Variants in ARG2 observed in about 807,000 individuals in gnomAD.
ARG2 encodes arginase-2, mitochondrial.
Under a neutral mutation model 39.4 loss-of-function variants are expected in ARG2, and 21 were observed. The observed-to-expected ratio is 0.53, with a 90% CI of 0.38 to 0.77. The LOEUF (loss-of-function observed/expected upper bound fraction) is 0.77. Among genes scored for constraint, ARG2 ranks in the 30% least tolerant of loss-of-function variants. ARG2 has a pLI of 0.00. For synonymous variants in ARG2, 150 were observed against 156.7 expected (o/e 0.96, Z 0.32); for missense variants, 378 against 426.2 (o/e 0.89, Z 1.00).
intron 2 of ARG2, among the ~76,000 whole-genome samples, chr14:67,632,730 G>C (rs2036930148): frequency 6.8e-6 from 1 of 147,846 alleles, no homozygotes; most frequent in South Asian, 2.2e-4. Flanking sequence ...AATTTGAAAA[G>C]CACACAAATA....
Position 67,646,712 on chromosome 14 carries a change from T to C in ARG2, c.591T>C (p.Gly197=), listed in dbSNP as rs1379847973. Residue 197 remains glycine (G), a synonymous_variant, in exon 5 of 8, where the codon GGT becomes GGC. Coordinates refer to ENST00000261783, the MANE Select transcript of ARG2 (RefSeq NM_001172.4). ...CTTCTGCAAGTATTGTGTATATTGG[T>C]CTGAGAGACGTGGACCCTCCTGAAC... ...CISSASIVYI[G]LRDVDPPEHF... 3 of 1,613,620 alleles carry C rather than the reference T, an allele frequency of 1.9e-6. No individual in the cohort carries two copies. Among genetic ancestry groups the C allele is most frequent in the Non-Finnish European group, 2.5e-6 (3 of 1,179,666 alleles).
chr14:67,620,276 A>AGAGG (rs1437393180), intron 1 of ARG2, among the ~76,000 whole-genome samples, 188 bp downstream of exon 1: 1 of 136,606 alleles, frequency 7.3e-6, no homozygotes, highest in Admixed American at 7.2e-5. Flanking sequence ...CAGAGAATGG[A>AGAGG]GAGGGAGGGA....
Position 67,651,331 on chromosome 14 carries a change from A to G in ARG2, c.*411A>G, listed in dbSNP as rs1309396886. On this transcript the variant is annotated 3_prime_UTR_variant, in exon 8 of 8. Transcript: ENST00000261783. Reference sequence around the variant, plus strand: ...TGCTTATTCTATCCACATCCCTAACATCATGCATTCACAAGGTCAAAGTTC... The same window carrying G: ...TGCTTATTCTATCCACATCCCTAACGTCATGCATTCACAAGGTCAAAGTTC... The G allele has an allele frequency of 1.2e-6, 2 of 1,611,202 alleles. No homozygotes were observed. The highest frequency in any genetic ancestry group is 1.7e-4 in the Middle Eastern group (1 of 6,030).
At chr14:67,641,394 C>A (rs2037029194) in intron 2 of ARG2, among the ~76,000 whole-genome samples, 1 of 152,182 alleles carries the variant, frequency 6.6e-6, no homozygotes, top group South Asian at 2.1e-4. Context: ...AACTTTGGAG[C>A]CAGATGGCCT....
chr14:67,642,800 T>TTTC lies in ARG2; in HGVS notation c.362+439_362+440insCTT, dbSNP rs1321823943. Among the ~76,000 whole-genome samples, 6 of 101,474 alleles carry TTTC rather than the reference T, an allele frequency of 5.9e-5. No homozygotes were observed. The East Asian group carries it at 9.6e-4, about 16-fold the overall frequency. The allele number at this position is 101,474 out of a possible 152,430, so 66.6% of individuals were successfully genotyped here. A position where few individuals can be genotyped will look rare whatever the true frequency, so the allele number is the denominator to read the frequency against. On this transcript the variant is annotated intron_variant, in intron 3 of 7. Transcript: ENST00000261783. ...GGCATGTTACTACATTTTCTTTTTTTTTTTTTTTTTTTTTTTTTTTGAGAT... is the reference window on the plus strand; with the variant it reads ...GGCATGTTACTACATTTTCTTTTTTTTTCTTTTTTTTTTTTTTTTTTTTGAGAT...
At position 67,642,449 on chromosome 14, in the gene ARG2, T is replaced by G. The variant is rs2037043818; in HGVS notation, c.362+86T>G. ...TAGCTTCTTTATCTGTTTCTTCATCTGGAGAAAAATACCCTACAGAATTTT... is the reference window on the plus strand; with the variant it reads ...TAGCTTCTTTATCTGTTTCTTCATCGGGAGAAAAATACCCTACAGAATTTT... On this transcript the variant is annotated intron_variant, in intron 3 of 7. Coordinates refer to ENST00000261783, the MANE Select transcript of ARG2 (RefSeq NM_001172.4). 10 of 1,444,878 alleles carry G rather than the reference T, an allele frequency of 6.9e-6. No individual in the cohort carries two copies. In the South Asian group the frequency reaches 1.3e-4, roughly 19 times the overall value. 89.5% of individuals were successfully genotyped at this position (1,444,878 alleles called of 1,614,324 possible). A position where few individuals can be genotyped will look rare whatever the true frequency, so the allele number is the denominator to read the frequency against.
chr14:67,642,793 C>CTTTTTTT (rs869215946), intron 3 of ARG2, among the ~76,000 whole-genome samples: 1,745 of 75,546 alleles, frequency 0.023, 453 homozygotes, highest in East Asian at 0.045. Context: ...ACTACATTTT[C>CTTTTTTT]TTTTTTTTTT....
intron 4 of ARG2, 117 bp from the exon 5 acceptor site, chr14:67,646,526 TA>T: frequency 1.3e-6 from 1 of 782,896 alleles, no homozygotes; most frequent in Non-Finnish European, 2.1e-6. Flanking sequence ...TGTGTTGCTC[TA>T]AACTTACCCT....
Position 67,646,976 on chromosome 14 carries a change from CTTGGTA to C in ARG2, c.675_680del (p.Gly226_Ile227del). 1 of 1,613,076 alleles carries C rather than the reference CTTGGTA, an allele frequency of 6.2e-7. No individual in the cohort carries two copies. The highest frequency in any genetic ancestry group is 1.1e-5 in the South Asian group (1 of 91,054). ...TTTTTCCATGAGAGATATTGATCGA[CTTGGTA>C]TCCAGAAGGTCATGGAACGAACATT... On this transcript the variant is annotated inframe_deletion, in exon 6 of 8. Transcript: ENST00000261783.
chr14:67,636,846 T>G (rs764300038), intron 2 of ARG2, among the ~76,000 whole-genome samples: 8 of 152,188 alleles, frequency 5.3e-5, no homozygotes, highest in Non-Finnish European at 1.2e-4. Flanking sequence ...TTCCTTGAAA[T>G]TTCAGGCTCC....
In ARG2 at chr14:67,651,647, G is replaced by T. The variant is rs1804799; in HGVS notation, c.*727G>T. The T allele has an allele frequency of 0.069, 41,469 of 602,932 alleles. 2,331 individuals are homozygous for T. Among genetic ancestry groups the T allele is most frequent in the East Asian group, 0.22 (6,897 of 31,024 alleles). The allele number at this position is 602,932 out of a possible 1,614,324, so 37.3% of individuals were successfully genotyped here. A position where few individuals can be genotyped will look rare whatever the true frequency, so the allele number is the denominator to read the frequency against. On this transcript the variant is annotated 3_prime_UTR_variant, in exon 8 of 8. Transcript: ENST00000261783. ...ATAAGGTTCTTTAGCTGTCACTTAG[G>T]GATAACACTGTCTACCTCACAGAAA...
In ARG2 at chr14:67,646,967, A is replaced by G; in HGVS notation, c.664A>G (p.Ile222Val). The stretch of plus-strand genomic sequence containing the variant: ...TATCCAGTATTTTTCCATGAGAGAT[A>G]TTGATCGACTTGGTATCCAGAAGGT... ...YDIQYFSMRD[I>V]DRLGIQKVME... Residue 222 changes from isoleucine to valine, a missense_variant, in exon 6 of 8, where the codon ATT becomes GTT. Coordinates refer to ENST00000261783, the MANE Select transcript of ARG2 (RefSeq NM_001172.4). 1 of 1,612,770 alleles carries G rather than the reference A, an allele frequency of 6.2e-7. No individual in the cohort carries two copies. Among genetic ancestry groups the G allele is most frequent in the Non-Finnish European group, 8.5e-7 (1 of 1,178,912 alleles).
intron 2 of ARG2, among the ~76,000 whole-genome samples, chr14:67,631,273 C>T (rs2036915311): frequency 6.6e-6 from 1 of 152,146 alleles, no homozygotes; most frequent in Non-Finnish European, 1.5e-5. Context: ...TGCAATAAAC[C>T]TAGTATTGCT....
At position 67,646,918 on chromosome 14, in the gene ARG2, C is replaced by A; in HGVS notation, c.618-3C>A. 1 of 1,563,648 alleles carries A rather than the reference C, an allele frequency of 6.4e-7. No individual in the cohort carries two copies. Among genetic ancestry groups the A allele is most frequent in the Admixed American group, 1.7e-5 (1 of 59,818 alleles). On this transcript the variant is annotated splice_region_variant and splice_polypyrimidine_tract_variant and intron_variant, in intron 5 of 7. Coordinates refer to ENST00000261783, the MANE Select transcript of ARG2 (RefSeq NM_001172.4). ...GGACTCCTCCCTTTATATCTCATCA[C>A]AGTTTTATTTTAAAGAACTATGATA...
chr14:67,648,281 C>T, intron 7 of ARG2, 98 bp downstream of exon 7: 1 of 1,400,048 alleles, frequency 7.1e-7, no homozygotes, highest in Non-Finnish European at 9.6e-7. Flanking sequence ...CACATCATTG[C>T]AGAGTTTGTT....
chr14:67,647,873 A>T (rs181364322), intron 6 of ARG2, 174 bp from the exon 7 acceptor site: 8 of 656,036 alleles, frequency 1.2e-5, no homozygotes, highest in Admixed American at 9.0e-5. Context: ...TAATATTGCC[A>T]ATCTCAGTAA....
intron 2 of ARG2, among the ~76,000 whole-genome samples, chr14:67,636,342 C>G (rs1026529252): frequency 6.6e-6 from 1 of 152,152 alleles, no homozygotes; most frequent in South Asian, 2.1e-4. Flanking sequence ...AAGAGTAATT[C>G]AGTTGCTGTT....
At position 67,648,055 on chromosome 14, in the gene ARG2, G is replaced by A; in HGVS notation, c.731G>A (p.Arg244Lys). ...TFDLLIGKRQ[R>K]PIHLSFDIDA... ...ATCCTCTTCCTTTTTAGGAGACAAAGACCAATCCATTTGAGTTTTGATATT... is the reference window on the plus strand; with the variant it reads ...ATCCTCTTCCTTTTTAGGAGACAAAAACCAATCCATTTGAGTTTTGATATT... Residue 244 changes from arginine to lysine, a missense_variant, in exon 7 of 8, where the codon AGA (arginine) becomes AAA (lysine). Arg to Lys is a conservative substitution (Grantham distance 26). Transcript: ENST00000261783. 6.2e-7 allele frequency: 1 copy of A among 1,611,410 alleles called. No homozygotes were observed. The highest frequency in any genetic ancestry group is 1.1e-5 in the South Asian group (1 of 90,794).
At chr14:67,633,117 G>A (rs1331090306) in intron 2 of ARG2, among the ~76,000 whole-genome samples, 1 of 152,126 alleles carries the variant, frequency 6.6e-6, no homozygotes, top group Non-Finnish European at 1.5e-5. Flanking sequence ...ACTGCGCCCG[G>A]CCAAGCCTCT....
Sources: allele counts gnomAD v4.1 joint callset (sites outside exome capture counted in the v4.1 genomes callset), GRCh38; gene constraint gnomAD v4.1.1; transcripts MANE v1.5; gene names NCBI Gene and HGNC (gene_info 2026-07-23, HGNC 2026-07-21).